Variants in AKT3 observed in about 807,000 individuals in gnomAD.
AKT3 encodes AKT serine/threonine kinase 3, also known as RAC-gamma serine/threonine-protein kinase.
Under a neutral mutation model 65.3 loss-of-function variants are expected in AKT3, and 15 were observed. That is an observed-to-expected ratio of 0.23 (90% CI 0.15 to 0.35). The LOEUF is 0.35. Among genes scored for constraint, AKT3 ranks in the 10% least tolerant of loss-of-function variants. The probability of loss-of-function intolerance (pLI) is 1.00; values close to 1 mark genes in which losing one functional copy is unlikely to be tolerated. For synonymous variants in AKT3, 206 were observed against 183.8 expected (o/e 1.12, Z -0.98); for missense variants, 243 against 576.5 (o/e 0.42, Z 5.92).
chr1:243,636,266 TTTG>T (rs758343500), intron 6 of AKT3, among the ~76,000 whole-genome samples: 7 of 152,222 alleles, frequency 4.6e-5, no homozygotes, highest in South Asian at 2.1e-4. Context: ...TGTAATTTAA[TTTG>T]TTAAGTTTAT....
chr1:243,584,293 T>C (rs953109347), intron 8 of AKT3, among the ~76,000 whole-genome samples: 1 of 151,948 alleles, frequency 6.6e-6, no homozygotes, highest in African/African-American at 2.4e-5. Flanking sequence ...CAGACTAATA[T>C]CGAGTTCCAA....
At chr1:243,605,819 C>A (rs1481511801) in intron 8 of AKT3, among the ~76,000 whole-genome samples, 2 of 152,172 alleles carry the variant, frequency 1.3e-5, no homozygotes, top group Non-Finnish European at 2.9e-5. Context: ...TGTGTTCCCA[C>A]CCAAATCTCA....
At chr1:243,636,224 A>T (rs944660150) in intron 6 of AKT3, among the ~76,000 whole-genome samples, 1 of 152,128 alleles carries the variant, frequency 6.6e-6, no homozygotes, top group South Asian at 2.1e-4. Flanking sequence ...GCAAATATTT[A>T]TAACAATAGC....
intron 8 of AKT3, among the ~76,000 whole-genome samples, chr1:243,607,056 T>C (rs891858142): frequency 6.6e-6 from 1 of 152,242 alleles, no homozygotes; most frequent in African/African-American, 2.4e-5. Context: ...GTGGAAACAC[T>C]TGGATGACCA....
chr1:243,539,850 A>G (rs534815037), intron 12 of AKT3, among the ~76,000 whole-genome samples: 1 of 152,308 alleles, frequency 6.6e-6, no homozygotes, highest in Admixed American at 6.5e-5. Context: ...AACTTAGATG[A>G]TAAATTCCTT....
At chr1:243,564,996 A>G (rs1222846296) in intron 9 of AKT3, among the ~76,000 whole-genome samples, 1 of 152,216 alleles carries the variant, frequency 6.6e-6, no homozygotes, top group Admixed American at 6.5e-5. Context: ...ACTCTCTGCC[A>G]TATTGTCAAA....
chr1:243,601,331 A>G (rs957319884), intron 8 of AKT3, among the ~76,000 whole-genome samples: 1 of 152,176 alleles, frequency 6.6e-6, no homozygotes, highest in African/African-American at 2.4e-5. Flanking sequence ...GCAAATCAGA[A>G]TAAGAAAAGA....
chr1:243,746,164 T>C (rs911235180), intron 2 of AKT3, among the ~76,000 whole-genome samples: 2 of 152,216 alleles, frequency 1.3e-5, no homozygotes, highest in African/African-American at 4.8e-5. Context: ...AACTCAAACA[T>C]AGGGAGTACT....
chr1:243,769,761 G>T (rs971824856), intron 2 of AKT3, among the ~76,000 whole-genome samples: 1 of 152,006 alleles, frequency 6.6e-6, no homozygotes, highest in African/African-American at 2.4e-5. Flanking sequence ...AAAAATTGTT[G>T]TTTCCTGAAG....
intron 2 of AKT3, among the ~76,000 whole-genome samples, chr1:243,833,898 A>T (rs1009593201): frequency 6.6e-6 from 1 of 152,034 alleles, no homozygotes; most frequent in African/African-American, 2.4e-5. Flanking sequence ...CATCTCTATA[A>T]AAAAATAATT....
intron 2 of AKT3, among the ~76,000 whole-genome samples, chr1:243,698,204 T>C (rs1449731336): frequency 6.6e-6 from 1 of 152,100 alleles, no homozygotes; most frequent in East Asian, 1.9e-4. Flanking sequence ...ATTAATGACA[T>C]ATTTAGACTT....
chr1:243,703,772 A>AG (rs2148052404), intron 2 of AKT3, among the ~76,000 whole-genome samples: 1 of 146,374 alleles, frequency 6.8e-6, no homozygotes, highest in Non-Finnish European at 1.5e-5. Context: ...AAAAAAAAAA[A>AG]AAAAAAGAAA....
At chr1:243,797,744 T>C (rs1227794907) in intron 2 of AKT3, among the ~76,000 whole-genome samples, 2 of 151,990 alleles carry the variant, frequency 1.3e-5, no homozygotes, top group Admixed American at 6.6e-5. Flanking sequence ...AACATGACAA[T>C]ATAGTTCCTT....
chr1:243,570,902 G>A (rs954579359), intron 9 of AKT3, among the ~76,000 whole-genome samples: 21 of 152,292 alleles, frequency 1.4e-4, no homozygotes, highest in Non-Finnish European at 1.6e-4. Context: ...AACTGTGCAC[G>A]TGGTAACTAA....
intron 2 of AKT3, among the ~76,000 whole-genome samples, chr1:243,745,695 A>AT (rs952510362): frequency 2.9e-4 from 44 of 151,238 alleles, no homozygotes; most frequent in Admixed American, 9.9e-4. Flanking sequence ...ATTTATTTTG[A>AT]TTTTTTTTTA....
chr1:243,628,901 T>A (rs1679384933), intron 6 of AKT3, among the ~76,000 whole-genome samples: 1 of 152,244 alleles, frequency 6.6e-6, no homozygotes, highest in Admixed American at 6.5e-5. Flanking sequence ...ATAACCTTCA[T>A]GTGTGGATGT....
chr1:243,658,217 AT>A (rs1405536408), intron 4 of AKT3, among the ~76,000 whole-genome samples: 4 of 152,224 alleles, frequency 2.6e-5, no homozygotes, highest in African/African-American at 9.6e-5. Context: ...AGGGCTTAAT[AT>A]TCAAAATGTA....
chr1:243,642,565 T>TC (rs1158645857), intron 5 of AKT3, among the ~76,000 whole-genome samples: 7 of 152,192 alleles, frequency 4.6e-5, no homozygotes, highest in Non-Finnish European at 2.9e-5. Flanking sequence ...CACCTTGGCC[T>TC]CCCAAAGTGC....
At chr1:243,701,729 C>T (rs940323756) in intron 2 of AKT3, among the ~76,000 whole-genome samples, 4 of 149,322 alleles carry the variant, frequency 2.7e-5, no homozygotes, top group African/African-American at 7.4e-5. Flanking sequence ...TCTAATTTTC[C>T]GATACAGGTG....
Sources: allele counts gnomAD v4.1 joint callset (sites outside exome capture counted in the v4.1 genomes callset), GRCh38; gene constraint gnomAD v4.1.1; transcripts MANE v1.5; gene names NCBI Gene and HGNC (gene_info 2026-07-23, HGNC 2026-07-21).